FBXO4: variants seen among roughly 807,000 people sequenced by gnomAD.
FBXO4 encodes F-box only protein 4.
In FBXO4, 36 loss-of-function variants were observed where a neutral mutation model predicts 43.7. The ratio of observed to expected loss-of-function variants is 0.82; its 90% CI spans 0.63 to 1.09. FBXO4 has a LOEUF of 1.09. Ranked by LOEUF, FBXO4 falls within the 50% of genes least tolerant of loss-of-function variation. FBXO4 has a pLI of 0.00. For missense variants in FBXO4, 435 were observed against 474.1 expected, an observed-to-expected ratio of 0.92 and a Z score of 0.77; for synonymous variants, 180 against 165.6, an observed-to-expected ratio of 1.09 and a Z score of -0.67.
the FBXO4 span, among the ~76,000 whole-genome samples, chr5:41,952,999 T>C: frequency 6.6e-6 from 1 of 152,132 alleles, no homozygotes; most frequent in Non-Finnish European, 1.5e-5. Flanking sequence ...TATTTTTTCT[T>C]TTTCTTCTTA....
the FBXO4 span, among the ~76,000 whole-genome samples, chr5:41,986,820 T>C: frequency 1.3e-5 from 2 of 152,138 alleles, no homozygotes; most frequent in Admixed American, 6.5e-5. Flanking sequence ...GTTATTCCTT[T>C]TCTCATGCAA....
At chr5:41,990,007 C>T in the FBXO4 span, among the ~76,000 whole-genome samples, 6 of 152,208 alleles carry the variant, frequency 3.9e-5, no homozygotes, top group East Asian at 7.7e-4. Flanking sequence ...CAGTTATTTA[C>T]GAAGTAGGAT....
the FBXO4 span, among the ~76,000 whole-genome samples, chr5:42,011,742 A>G: frequency 1.3e-5 from 2 of 152,196 alleles, no homozygotes; most frequent in African/African-American, 2.4e-5. Flanking sequence ...TTGAAGTTCC[A>G]TTCCTATGTA....
the FBXO4 span, among the ~76,000 whole-genome samples, chr5:41,978,210 G>A: frequency 3.3e-5 from 5 of 152,042 alleles, no homozygotes; most frequent in African/African-American, 1.2e-4. Context: ...ATAAGAGCAA[G>A]AGCTCACTCA....
the FBXO4 span, among the ~76,000 whole-genome samples, chr5:42,036,033 C>T: frequency 1.3e-5 from 2 of 152,180 alleles, no homozygotes; most frequent in African/African-American, 2.4e-5. Context: ...CAAGTAATGT[C>T]CTAGTATAAT....
chr5:41,925,693 T>A (rs979244616), intron 1 of FBXO4, among the ~76,000 whole-genome samples, 195 bp downstream of exon 1: 1 of 150,942 alleles, frequency 6.6e-6, no homozygotes, highest in African/African-American at 2.4e-5. Flanking sequence ...ACCCTGGTGC[T>A]CCGCAGGGGG....
the FBXO4 span, among the ~76,000 whole-genome samples, chr5:42,001,068 G>A: frequency 6.6e-6 from 1 of 152,036 alleles, no homozygotes; most frequent in Non-Finnish European, 1.5e-5. Flanking sequence ...GCTCTTTTGT[G>A]TTTCCATATT....
At chr5:41,967,081 T>G in the FBXO4 span, 1 of 260,512 alleles carries the variant, frequency 3.8e-6, no homozygotes. Context: ...TCTCTCGGCT[T>G]GCTTTGTTTC....
downstream of FBXO4, among the ~76,000 whole-genome samples, chr5:41,943,457 T>A (rs980445676): frequency 2.0e-5 from 3 of 152,120 alleles, no homozygotes; most frequent in Non-Finnish European, 4.4e-5. Context: ...ATACCTACCT[T>A]GGACATAAGT....
intron 5 of FBXO4, among the ~76,000 whole-genome samples, chr5:41,937,523 A>T (rs1371652638): frequency 6.6e-6 from 1 of 152,240 alleles, no homozygotes; most frequent in Admixed American, 6.5e-5. Flanking sequence ...CCTGTATATC[A>T]GTCCATTTCT....
chr5:41,955,488 G>A, the FBXO4 span, among the ~76,000 whole-genome samples: 2 of 152,274 alleles, frequency 1.3e-5, no homozygotes, highest in East Asian at 3.9e-4. Flanking sequence ...GATTCCTTAA[G>A]AGATGTGAAA....
the FBXO4 span, among the ~76,000 whole-genome samples, chr5:41,964,932 G>C: frequency 2.0e-5 from 3 of 151,986 alleles, no homozygotes; most frequent in African/African-American, 7.3e-5. Context: ...CATTGCTTTT[G>C]GTGTTTTAGA....
the FBXO4 span, among the ~76,000 whole-genome samples, chr5:42,013,315 A>G: frequency 6.6e-6 from 1 of 152,180 alleles, no homozygotes; most frequent in Non-Finnish European, 1.5e-5. Context: ...AGGTTTCTAT[A>G]GCCATTCAAA....
the FBXO4 span, among the ~76,000 whole-genome samples, chr5:42,032,313 G>A: frequency 6.6e-6 from 1 of 152,092 alleles, no homozygotes; most frequent in African/African-American, 2.4e-5. Flanking sequence ...GTCCTCCCCT[G>A]CAGTCTAGGG....
At chr5:41,938,897 G>T (rs1198305249) in intron 5 of FBXO4, among the ~76,000 whole-genome samples, 1 of 152,110 alleles carries the variant, frequency 6.6e-6, no homozygotes, top group Non-Finnish European at 1.5e-5. Context: ...TCCCTGCATT[G>T]AATCTTTCAA....
chr5:41,989,284 C>T, the FBXO4 span, among the ~76,000 whole-genome samples: 5 of 152,036 alleles, frequency 3.3e-5, no homozygotes, highest in African/African-American at 1.2e-4. Flanking sequence ...CAAGGGGTGA[C>T]TAATTTCTGT....
chr5:42,018,794 G>A, the FBXO4 span, among the ~76,000 whole-genome samples: 16,720 of 151,976 alleles, frequency 0.11, 1,445 homozygotes, highest in African/African-American at 0.24. Context: ...CTGTTGATCG[G>A]TGGCACAATT....
At chr5:41,974,909 C>G in the FBXO4 span, among the ~76,000 whole-genome samples, 2 of 151,964 alleles carry the variant, frequency 1.3e-5, no homozygotes, top group East Asian at 1.9e-4. Flanking sequence ...TGGGTGTATC[C>G]TTTTTTTCTG....
the FBXO4 span, among the ~76,000 whole-genome samples, chr5:42,015,687 G>C: frequency 6.6e-6 from 1 of 151,674 alleles, no homozygotes; most frequent in East Asian, 1.9e-4. Flanking sequence ...AATGGTCAAA[G>C]GGAATTTGAT....
Sources: allele counts gnomAD v4.1 joint callset (sites outside exome capture counted in the v4.1 genomes callset), GRCh38; gene constraint gnomAD v4.1.1; transcripts MANE v1.5; gene names NCBI Gene and HGNC (gene_info 2026-07-23, HGNC 2026-07-21).